The following SLCO2A1 variants were observed in gnomAD, a reference collection of about 807,000 sequenced individuals.
The protein encoded by SLCO2A1 is matrin F/G 1.
SLCO2A1 carries 60 observed loss-of-function variants against 71.7 expected under a neutral mutation model. The ratio of observed to expected loss-of-function variants is 0.84; its 90% CI spans 0.68 to 1.04. SLCO2A1 has a LOEUF of 1.04. Among genes scored for constraint, SLCO2A1 ranks in the 50% least tolerant of loss-of-function variants. The pLI is 0.00. For synonymous variants in SLCO2A1, 308 were observed against 326.7 expected, an observed-to-expected ratio of 0.94 and a Z score of 0.62; for missense variants, 745 against 813.4, an observed-to-expected ratio of 0.92 and a Z score of 1.02.
At position 134,029,703 on chromosome 3, in the gene SLCO2A1, T is replaced by G. The variant is rs772787225; in HGVS notation, c.96+4A>C. 2 of 1,583,506 alleles carry G rather than the reference T, an allele frequency of 1.3e-6. No individual in the cohort carries two copies. The highest frequency in any genetic ancestry group is 4.7e-5 in the East Asian group (2 of 42,750). On this transcript the variant is annotated splice_donor_region_variant and intron_variant, in intron 1 of 13. Transcript: ENST00000310926. ...GCCCGGAAGACCCCGCGGACTCCGC[T>G]CACCTTAATGTTGCCGAAGACCGAG...
At chr3:134,022,252 A>G (rs1935604385) in intron 1 of SLCO2A1, among the ~76,000 whole-genome samples, 1 of 152,160 alleles carries the variant, frequency 6.6e-6, no homozygotes, top group Non-Finnish European at 1.5e-5. Context: ...TATAAAAAAG[A>G]ATTTATGCAA....
chr3:133,997,611 C>G (rs1173771907), intron 1 of SLCO2A1, among the ~76,000 whole-genome samples: 1 of 152,238 alleles, frequency 6.6e-6, no homozygotes, highest in African/African-American at 2.4e-5. Context: ...GGAGAGAGTC[C>G]TGGAATGGGT....
intron 1 of SLCO2A1, among the ~76,000 whole-genome samples, chr3:134,018,409 A>G (rs1366824389): frequency 4.6e-5 from 7 of 152,182 alleles, no homozygotes; most frequent in Admixed American, 2.6e-4. Flanking sequence ...GGGGGTCAGA[A>G]GCCTCAGGAA....
rs758310367 is a variant in SLCO2A1 at position 133,951,360 on chromosome 3, A to T, written c.725-16T>A. On this transcript the variant is annotated splice_polypyrimidine_tract_variant and intron_variant, in intron 5 of 13. Transcript: ENST00000310926. ...TTAACTGCAGCTGAAGAGAAAACGA[A>T]GAGTGCAAATGTTTGTTGAATGCAT... 2 of 1,613,762 alleles carry T rather than the reference A, an allele frequency of 1.2e-6. No individual in the cohort carries two copies. Among genetic ancestry groups the T allele is most frequent in the Non-Finnish European group, 1.7e-6 (2 of 1,179,890 alleles).
At chr3:133,986,661 T>TA (rs1934721682) in intron 1 of SLCO2A1, among the ~76,000 whole-genome samples, 1 of 152,192 alleles carries the variant, frequency 6.6e-6, no homozygotes, top group East Asian at 1.9e-4. Flanking sequence ...GAGAACTTTT[T>TA]ACCACCCGTG....
rs888219150 is a variant in SLCO2A1, at chr3:133,995,311, T to C, written c.97-15693A>G. Among the ~76,000 whole-genome samples the C allele has an allele frequency of 1.1e-4, 16 of 151,928 alleles. 1 individual carries two copies. On this transcript the variant is annotated intron_variant, in intron 1 of 13. Transcript: ENST00000310926. ...GCCCTGTAAAAACCCTCCAATGGATTCCCCCCACCTCAGATCAAAATTCAG... is the reference window on the plus strand; with the variant it reads ...GCCCTGTAAAAACCCTCCAATGGATCCCCCCCACCTCAGATCAAAATTCAG...
intron 1 of SLCO2A1, among the ~76,000 whole-genome samples, chr3:133,999,175 G>A (rs1559952683): frequency 6.6e-6 from 1 of 152,178 alleles, no homozygotes; most frequent in Non-Finnish European, 1.5e-5. Context: ...GGCCAGGCAT[G>A]GCTTACATGG....
At chr3:133,960,370 G>T (rs993976415) in intron 3 of SLCO2A1, among the ~76,000 whole-genome samples, 3 of 152,192 alleles carry the variant, frequency 2.0e-5, no homozygotes, top group African/African-American at 7.2e-5. Flanking sequence ...TTATACAGCT[G>T]TAAAAAGGAA....
chr3:133,983,345 T>C (rs1934638164), intron 1 of SLCO2A1, among the ~76,000 whole-genome samples: 1 of 152,224 alleles, frequency 6.6e-6, no homozygotes. Context: ...GACATGTTAC[T>C]GAGCCAGCTT....
rs1194354952 is a variant in SLCO2A1 at position 133,964,589 on chromosome 3, T to C, written c.397+9074A>G. ...GCAGTTACAGGACAAGTGAGTGTGC[T>C]TGGAGAAGTTCACATCTGTGGAGGA... is the stretch of plus-strand genomic sequence containing the variant. On this transcript the variant is annotated intron_variant, in intron 3 of 13. Coordinates refer to ENST00000310926, the MANE Select transcript of SLCO2A1 (RefSeq NM_005630.3). Among the ~76,000 whole-genome samples, 3 of 152,180 alleles carry C rather than the reference T, an allele frequency of 2.0e-5. No individual in the cohort carries two copies. In the East Asian group the frequency reaches 5.8e-4, roughly 29 times the overall value.
At chr3:133,945,054 C>A in intron 10 of SLCO2A1, 41 bp downstream of exon 10, 1 of 1,581,064 alleles carries the variant, frequency 6.3e-7, no homozygotes, top group South Asian at 1.2e-5. Flanking sequence ...CTCCGAGATC[C>A]TGTGGGGCTC....
intron 3 of SLCO2A1, among the ~76,000 whole-genome samples, chr3:133,961,748 G>A (rs1454508736): frequency 6.6e-6 from 1 of 152,162 alleles, no homozygotes; most frequent in East Asian, 1.9e-4. Flanking sequence ...GTTCCTCTTG[G>A]CCTATTCTAC....
intron 3 of SLCO2A1, among the ~76,000 whole-genome samples, chr3:133,956,416 T>G (rs1279062248): frequency 6.6e-6 from 1 of 152,164 alleles, no homozygotes; most frequent in Non-Finnish European, 1.5e-5. Flanking sequence ...CCCTCTCCAG[T>G]GGTGTCTATG....
intron 1 of SLCO2A1, among the ~76,000 whole-genome samples, chr3:134,028,670 A>G (rs1382720562): frequency 6.6e-6 from 1 of 152,088 alleles, no homozygotes; most frequent in African/African-American, 2.4e-5. Context: ...CGGAGGCTTT[A>G]CTCAGTCCCA....
At chr3:133,964,500 G>T (rs963317688) in intron 3 of SLCO2A1, among the ~76,000 whole-genome samples, 1 of 152,098 alleles carries the variant, frequency 6.6e-6, no homozygotes. Flanking sequence ...TTGGAAACTG[G>T]GTCCAGAAAC....
chr3:133,994,487 T>C (rs1934920671), intron 1 of SLCO2A1, among the ~76,000 whole-genome samples: 1 of 152,248 alleles, frequency 6.6e-6, no homozygotes. Context: ...ATTTGTGATG[T>C]CACTTGCTGT....
intron 6 of SLCO2A1, chr3:133,950,857 C>T (rs1003810779): frequency 2.9e-6 from 1 of 339,642 alleles, no homozygotes; most frequent in Non-Finnish European, 5.7e-6. Context: ...ACTGATAGGC[C>T]CTATTAAATG....
chr3:133,983,574 A>T (rs977051756), intron 1 of SLCO2A1, among the ~76,000 whole-genome samples: 2 of 152,220 alleles, frequency 1.3e-5, no homozygotes. Flanking sequence ...ACACTCTCAG[A>T]GTTCCCTGAA....
intron 5 of SLCO2A1, among the ~76,000 whole-genome samples, chr3:133,953,036 G>A (rs537678322): frequency 6.6e-6 from 1 of 151,734 alleles, no homozygotes; most frequent in African/African-American, 2.4e-5. Flanking sequence ...AAGAACCATA[G>A]AATTTTTTTT....
Sources: gnomAD v4.1 joint callset for allele counts (sites outside exome capture counted in the v4.1 genomes callset) on GRCh38, gnomAD v4.1.1 for gene constraint, MANE v1.5 for transcripts, NCBI Gene and HGNC (gene_info 2026-07-23, HGNC 2026-07-21) for gene names.